PDCD6: variants seen among roughly 807,000 people sequenced by gnomAD.
PDCD6 encodes programmed cell death 6.
In PDCD6, 12 loss-of-function variants were observed where a neutral mutation model predicts 28.3. That is an observed-to-expected ratio of 0.42 (90% CI 0.27 to 0.69). PDCD6 has a LOEUF of 0.69. Among genes scored for constraint, PDCD6 ranks in the 30% least tolerant of loss-of-function variants. The pLI is 0.22. For missense variants in PDCD6, 226 were observed against 269.9 expected, an observed-to-expected ratio of 0.84 and a Z score of 1.14; for synonymous variants, 92 against 108.0, an observed-to-expected ratio of 0.85 and a Z score of 0.92.
chr5:301,946 T>G (rs1740084031), intron 2 of PDCD6, among the ~76,000 whole-genome samples: 1 of 148,478 alleles, frequency 6.7e-6, no homozygotes, highest in African/African-American at 2.5e-5. Flanking sequence ...CCTGCATAAC[T>G]GCTGGAGGGC....
At chr5:302,457 T>G (rs1166435255) in intron 2 of PDCD6, among the ~76,000 whole-genome samples, 1 of 108,050 alleles carries the variant, frequency 9.3e-6, no homozygotes, top group Non-Finnish European at 1.7e-5. Context: ...CTTCCCTGCA[T>G]AACTGCTGGA....
chr5:284,407 G>A (rs907920081), intron 2 of PDCD6, among the ~76,000 whole-genome samples: 41 of 152,238 alleles, frequency 2.7e-4, no homozygotes, highest in African/African-American at 9.6e-4. Flanking sequence ...AGGAGCTGAT[G>A]TTCCAATTTG....
intron 5 of PDCD6, chr5:313,651 G>A (rs1362486849): frequency 6.6e-6 from 1 of 151,782 alleles, no homozygotes; most frequent in African/African-American, 2.4e-5. Context: ...CTTGATGTGC[G>A]AGGACGCTGT....
intron 2 of PDCD6, chr5:290,122 C>T: frequency 6.3e-7 from 1 of 1,585,164 alleles, no homozygotes; most frequent in Non-Finnish European, 8.7e-7. Flanking sequence ...GGGAGGACCT[C>T]TTGGCTCAGG....
At chr5:275,232 G>A (rs556436808) in intron 2 of PDCD6, among the ~76,000 whole-genome samples, 9 of 152,304 alleles carry the variant, frequency 5.9e-5, no homozygotes, top group East Asian at 3.9e-4. Context: ...ACCAGCCTGG[G>A]CGACACTGTG....
intron 2 of PDCD6, among the ~76,000 whole-genome samples, chr5:277,674 TCTGCC>T (rs1029295936): frequency 2.0e-5 from 3 of 152,106 alleles, no homozygotes; most frequent in Non-Finnish European, 2.9e-5. Flanking sequence ...GACCTCTTGA[TCTGCC>T]CACCTCAGCC....
chr5:279,800 AAAAAAAC>A (rs945654221), intron 2 of PDCD6, among the ~76,000 whole-genome samples: 10 of 148,558 alleles, frequency 6.7e-5, no homozygotes, highest in African/African-American at 2.6e-4. Flanking sequence ...AAAAAAAAAA[AAAAAAAC>A]GAGGAGCCGG....
chr5:302,070 CTGTGTG>C (rs369323059), intron 2 of PDCD6, among the ~76,000 whole-genome samples: 1,720 of 57,690 alleles, frequency 0.03, 72 homozygotes, highest in African/African-American at 0.062. Context: ...GAGTGCTGCT[CTGTGTG>C]TGTGTGTGTG....
rs904417402 is a variant in PDCD6, at chr5:305,476, G to T, written c.209-1126G>T. 6.6e-6 allele frequency: 1 copy of T among 152,190 alleles called. No individual in the cohort carries two copies. The highest frequency in any genetic ancestry group is 1.5e-5 in the Non-Finnish European group (1 of 68,040). 9.4% of individuals were successfully genotyped at this position (152,190 alleles called of 1,614,324 possible). On this transcript the variant is annotated intron_variant, in intron 3 of 5. Transcript: ENST00000264933. The surrounding 1 kb of genome is among the most constrained non-coding windows in gnomAD (Gnocchi z 4.0). ...CACTGATGGAGGGAGAGAAAACTTG[G>T]AAGTGTAGTAGTGGCAGGGCTCAGC...
intron 2 of PDCD6, among the ~76,000 whole-genome samples, chr5:278,765 G>GCAGGGGAGAGGGCTGGGGACA: frequency 6.7e-6 from 1 of 149,064 alleles, no homozygotes; most frequent in Non-Finnish European, 1.5e-5. Context: ...GATGGGGCAA[G>GCAGGGGAGAGGGCTGGGGACA]CAGGGGAGAG....
chr5:290,016 T>C (rs1460016824), intron 2 of PDCD6: 6 of 1,601,062 alleles, frequency 3.7e-6, no homozygotes, highest in Non-Finnish European at 5.1e-6. Context: ...ATTCACATAG[T>C]CGCTGAATAG....
At chr5:292,972 G>A (rs942451076) in intron 2 of PDCD6, among the ~76,000 whole-genome samples, 13 of 152,258 alleles carry the variant, frequency 8.5e-5, no homozygotes, top group South Asian at 2.1e-4. Context: ...ACAGCTGGGC[G>A]GCCCCAAGAC....
At chr5:302,068 C>CTGTGTGTGTGTGTGTGTGTGTG (rs1491538086) in intron 2 of PDCD6, among the ~76,000 whole-genome samples, 1 of 63,374 alleles carries the variant, frequency 1.6e-5, no homozygotes, top group Non-Finnish European at 3.9e-5. Context: ...TTGAGTGCTG[C>CTGTGTGTGTGTGTGTGTGTGTG]TCTGTGTGTG....
rs147793210 is a variant in PDCD6 at position 271,742 on chromosome 5, CCCGGCCCTGGGG to C, written c.34_45del (p.Ala12_Gly15del). ...GCCCATGGCCGCCTACTCTTACCGCCCCGGCCCTGGGGCCGGCCCTGGGCCTGCTGCAGGCGC... is the reference window on the plus strand; with the variant it reads ...GCCCATGGCCGCCTACTCTTACCGCCCCGGCCCTGGGCCTGCTGCAGGCGC... On this transcript the variant is annotated inframe_deletion, in exon 1 of 6. Transcript: ENST00000264933. 188,500 of 1,533,954 alleles carry C rather than the reference CCCGGCCCTGGGG, an allele frequency of 0.12. 12,242 individuals are homozygous for C. Among genetic ancestry groups the C allele is most frequent in the Admixed American group, 0.16 (8,062 of 51,140 alleles).
At chr5:288,777 T>C (rs969729939) in intron 2 of PDCD6, 2 of 841,460 alleles carry the variant, frequency 2.4e-6, no homozygotes, top group Non-Finnish European at 3.4e-6. Context: ...AAAAGTTTTA[T>C]ACGGCGTTAA....
intron 2 of PDCD6, among the ~76,000 whole-genome samples, chr5:299,716 A>AT (rs1181115218): frequency 2.6e-5 from 4 of 151,902 alleles, no homozygotes; most frequent in Non-Finnish European, 2.9e-5. Context: ...TGCCTGGCTA[A>AT]TTTTTTGTAT....
intron 2 of PDCD6, among the ~76,000 whole-genome samples, chr5:293,961 C>T (rs1295737996): frequency 2.4e-5 from 3 of 125,588 alleles, no homozygotes; most frequent in Admixed American, 8.2e-5. Context: ...ATCAAGAAGA[C>T]GGGAACAGCA....
At chr5:279,509 C>T (rs943512243) in intron 2 of PDCD6, among the ~76,000 whole-genome samples, 28 of 152,128 alleles carry the variant, frequency 1.8e-4, no homozygotes, top group Admixed American at 1.3e-3. Flanking sequence ...AGCCCAGCCA[C>T]GCCACGGGTG....
At chr5:303,805 A>G (rs1006460622) in intron 2 of PDCD6, among the ~76,000 whole-genome samples, 4 of 147,160 alleles carry the variant, frequency 2.7e-5, no homozygotes, top group African/African-American at 1.1e-4. Flanking sequence ...GTCCTCTAAC[A>G]AAACTAAGTG....
Sources: gnomAD v4.1 joint callset for allele counts (sites outside exome capture counted in the v4.1 genomes callset) on GRCh38, gnomAD v4.1.1 for gene constraint, Gnocchi (gnomAD v3.1) non-coding constraint, MANE v1.5 for transcripts, NCBI Gene and HGNC (gene_info 2026-07-23, HGNC 2026-07-21) for gene names.